The following ANO6 variants were observed in gnomAD, a reference collection of about 807,000 sequenced individuals.
ANO6 encodes the protein anoctamin-6.
In ANO6, 106 loss-of-function variants were observed where a neutral mutation model predicts 117.5. The observed-to-expected ratio is 0.90, with a 90% confidence interval of 0.77 to 1.06. ANO6 has a LOEUF of 1.06. Ranked by LOEUF, ANO6 falls within the 50% of genes least tolerant of loss-of-function variation. The pLI is 0.00. For missense variants in ANO6, 955 were observed against 1,121.1 expected, an observed-to-expected ratio of 0.85 and a Z score of 2.12; for synonymous variants, 367 against 385.1, an observed-to-expected ratio of 0.95 and a Z score of 0.55.
intron 2 of ANO6, among the ~76,000 whole-genome samples, chr12:45,312,864 T>C (rs970438246): frequency 1.3e-5 from 2 of 152,072 alleles, no homozygotes; most frequent in Non-Finnish European, 2.9e-5. Flanking sequence ...TAACATGTAT[T>C]ATAATATATC....
intron 1 of ANO6, chr12:45,292,711 G>C (rs1223316126): frequency 7.4e-7 from 1 of 1,348,986 alleles, no homozygotes; most frequent in Non-Finnish European, 9.6e-7. Flanking sequence ...GTAGGAATAG[G>C]GGAAGAGTTC....
rs1332835223 is a variant in ANO6 at position 45,388,208 on chromosome 12, T to TA, written c.1214dup (p.Tyr405Ter). 18 of 1,613,910 alleles carry TA rather than the reference T, an allele frequency of 1.1e-5. No homozygotes were observed. Among genetic ancestry groups the TA allele is most frequent in the Non-Finnish European group, 1.4e-5 (17 of 1,179,974 alleles). Residue 405 changes from tyrosine to a stop codon, truncating the protein, a stop_gained and frameshift_variant, in exon 11 of 20, where the codon TAT (tyrosine) becomes TAAT (stop). Transcript: ENST00000320560. LOFTEE classifies it high-confidence loss of function. Reference sequence around the variant, plus strand: ...GAAGCGACGCCAGGCAGAACTTGAGTATGAATGGGATACTGTTGAGTTACA... The same window carrying TA: ...GAAGCGACGCCAGGCAGAACTTGAGTAATGAATGGGATACTGTTGAGTTACA... ...FWKRRQAELE[Y>*]EWDTVELQQE... is the part of the protein sequence containing the mutation.
chr12:45,364,634 T>C (rs1941638429), intron 8 of ANO6, among the ~76,000 whole-genome samples: 1 of 152,224 alleles, frequency 6.6e-6, no homozygotes, highest in Admixed American at 6.5e-5. Flanking sequence ...TAATTGGTTC[T>C]TTTTAATAAT....
chr12:45,301,117 GACTT>G (rs1180293115), intron 1 of ANO6, among the ~76,000 whole-genome samples: 1 of 152,136 alleles, frequency 6.6e-6, no homozygotes, highest in Non-Finnish European at 1.5e-5. Flanking sequence ...GGATTGCTAA[GACTT>G]AACACAAAAG....
rs186111892 is a variant in ANO6 at position 45,378,470 on chromosome 12, C to T, written c.1165+357C>T. On this transcript the variant is annotated intron_variant, in intron 10 of 19. Transcript: ENST00000320560. ...GAAACCCGGTTTGGTCTGTGGGGCT[C>T]GGCTGGGAAGGCTTCTCTGCTCCAC... is the stretch of plus-strand genomic sequence containing the variant. 2.2e-4 allele frequency among the ~76,000 whole-genome samples: 33 copies of T among 152,110 alleles called. No individual in the cohort carries two copies. The East Asian group carries it at 5.6e-3, about 26-fold the overall frequency.
chr12:45,308,048 ATTTTT>A (rs1218638312), intron 2 of ANO6, among the ~76,000 whole-genome samples: 1,031 of 69,280 alleles, frequency 0.015, 18 homozygotes, highest in African/African-American at 0.053. Context: ...TGTGTGTGTA[ATTTTT>A]TTTTTTTTTT....
At chr12:45,321,330 C>G (rs1316866666) in intron 2 of ANO6, among the ~76,000 whole-genome samples, 1 of 152,096 alleles carries the variant, frequency 6.6e-6, no homozygotes, top group Non-Finnish European at 1.5e-5. Flanking sequence ...TAAATTTTCG[C>G]TACTTGCCTT....
chr12:45,272,216 CTATGTAGG>C (rs935793545), intron 1 of ANO6, among the ~76,000 whole-genome samples: 4 of 147,046 alleles, frequency 2.7e-5, no homozygotes, highest in Admixed American at 2.7e-4. Context: ...TTTTTTGCTG[CTATGTAGG>C]TGAAAAATTT....
intron 1 of ANO6, among the ~76,000 whole-genome samples, chr12:45,224,819 T>C (rs1455381889): frequency 6.6e-6 from 1 of 152,154 alleles, no homozygotes; most frequent in Non-Finnish European, 1.5e-5. Context: ...GACCAAATGC[T>C]CCTATGAAAA....
intron 2 of ANO6, among the ~76,000 whole-genome samples, chr12:45,320,798 G>A (rs1207588120): frequency 6.6e-6 from 1 of 152,116 alleles, no homozygotes; most frequent in East Asian, 1.9e-4. Context: ...GAATCTGGGT[G>A]CTCCTGTATT....
intron 2 of ANO6, among the ~76,000 whole-genome samples, chr12:45,307,368 G>A (rs1213197356): frequency 6.6e-6 from 1 of 152,138 alleles, no homozygotes; most frequent in African/African-American, 2.4e-5. Context: ...TACATTCTGA[G>A]GGTAGAAGCA....
In ANO6 at chr12:45,429,621, C is replaced by A; in HGVS notation, c.*310C>A. ...CACCCCTTCTAAAGTAGAATGGATT[C>A]TTTTTTTTCTGTTTGATTATTTTCA... is the stretch of plus-strand genomic sequence containing the variant. On this transcript the variant is annotated 3_prime_UTR_variant, in exon 20 of 20. Transcript: ENST00000320560. The A allele has an allele frequency of 1.7e-6, 2 of 1,169,606 alleles. No individual in the cohort carries two copies. Among genetic ancestry groups the A allele is most frequent in the Non-Finnish European group, 2.1e-6 (2 of 940,656 alleles). The allele number at this position is 1,169,606 out of a possible 1,614,324, so 72.5% of individuals were successfully genotyped here.
intron 15 of ANO6, among the ~76,000 whole-genome samples, chr12:45,405,467 T>G (rs982137059): frequency 2.0e-5 from 3 of 152,250 alleles, no homozygotes; most frequent in African/African-American, 7.2e-5. Flanking sequence ...TACAGTGATA[T>G]GAACTTTGCC....
At chr12:45,410,687 C>CTT (rs1943064224) in intron 16 of ANO6, among the ~76,000 whole-genome samples, 1 of 152,166 alleles carries the variant, frequency 6.6e-6, no homozygotes, top group Admixed American at 6.5e-5. Flanking sequence ...TGTTGACAGG[C>CTT]TTTGCATTTA....
chr12:45,219,063 C>A (rs981013841), intron 1 of ANO6, among the ~76,000 whole-genome samples: 1 of 152,034 alleles, frequency 6.6e-6, no homozygotes, highest in Non-Finnish European at 1.5e-5. Flanking sequence ...CCTTTGCTTC[C>A]CAAAGCTCTG....
At chr12:45,318,687 G>A (rs1050381949) in intron 2 of ANO6, among the ~76,000 whole-genome samples, 50 of 152,126 alleles carry the variant, frequency 3.3e-4, no homozygotes, top group African/African-American at 9.2e-4. Context: ...TGATGGGGAT[G>A]GCATTGAATC....
chr12:45,261,105 C>T (rs957978720), intron 1 of ANO6, among the ~76,000 whole-genome samples: 9 of 152,064 alleles, frequency 5.9e-5, no homozygotes, highest in African/African-American at 1.7e-4. Flanking sequence ...CAGGCATGAG[C>T]CACCATGCCA....
chr12:45,367,847 G>A, intron 9 of ANO6, 54 bp downstream of exon 9: 1 of 1,292,830 alleles, frequency 7.7e-7, no homozygotes. Flanking sequence ...TTTTTCTAAT[G>A]CTAATTTAGA....
intron 9 of ANO6, among the ~76,000 whole-genome samples, chr12:45,376,842 T>TA (rs1322507238): frequency 4.1e-5 from 6 of 145,830 alleles, no homozygotes; most frequent in African/African-American, 1.5e-4. Flanking sequence ...CCCTAAAACT[T>TA]AAAGTATAAT....
Sources: allele counts gnomAD v4.1 joint callset (sites outside exome capture counted in the v4.1 genomes callset), GRCh38; gene constraint gnomAD v4.1.1; transcripts MANE v1.5; gene names NCBI Gene and HGNC (gene_info 2026-07-23, HGNC 2026-07-21).